The following FGF13 variants were observed in gnomAD, a reference collection of about 807,000 sequenced individuals.
FGF13 encodes fibroblast growth factor 13.
FGF13 carries 2 observed loss-of-function variants against 19.5 expected under a neutral mutation model. That is an observed-to-expected ratio of 0.10 (90% CI 0.04 to 0.32). FGF13 has a LOEUF of 0.32. Among genes scored for constraint, FGF13 ranks in the 10% least tolerant of loss-of-function variants. FGF13 has a pLI of 1.00. For missense variants in FGF13, 113 were observed against 192.7 expected, an observed-to-expected ratio of 0.59 and a Z score of 2.45; for synonymous variants, 72 against 76.9, an observed-to-expected ratio of 0.94 and a Z score of 0.33.
intron 1 of FGF13, among the ~76,000 whole-genome samples, chrX:138,908,776 T>C (rs1215327340): frequency 1.8e-5 from 2 of 111,849 alleles, no homozygotes; most frequent in East Asian, 2.8e-4. Flanking sequence ...TCTGAATTCA[T>C]TTGTGAGTCA....
At chrX:139,034,650 T>C (rs958080920) in intron 1 of FGF13, among the ~76,000 whole-genome samples, 3 of 111,018 alleles carry the variant, frequency 2.7e-5, no homozygotes, top group Admixed American at 1.9e-4. Flanking sequence ...AAGTAGCAAA[T>C]GCGGATTCCA....
At chrX:139,131,502 G>A (rs374691515) in intron 1 of FGF13, among the ~76,000 whole-genome samples, 10 of 105,499 alleles carry the variant, frequency 9.5e-5, no homozygotes, top group East Asian at 5.7e-4. Context: ...TCGGGAGGCC[G>A]AGATTGGAGG....
intron 1 of FGF13, among the ~76,000 whole-genome samples, chrX:139,039,498 T>C (rs1029061403): frequency 8.0e-5 from 9 of 111,986 alleles, no homozygotes; most frequent in African/African-American, 2.9e-4. Context: ...CAGCATGCTA[T>C]AACCAGAGGA....
At chrX:139,124,139 C>T (rs1409446713) in intron 1 of FGF13, among the ~76,000 whole-genome samples, 1 of 111,997 alleles carries the variant, frequency 8.9e-6, no homozygotes, top group Non-Finnish European at 1.9e-5. Context: ...ACCAGTGAAC[C>T]CCCATGTGTC....
At chrX:138,706,385 G>GT (rs1428532416) in intron 2 of FGF13, among the ~76,000 whole-genome samples, 2 of 112,001 alleles carry the variant, frequency 1.8e-5, no homozygotes, top group African/African-American at 6.5e-5. Flanking sequence ...TCTACGTAAG[G>GT]TAAGGTGAAA....
chrX:138,995,918 T>C (rs2092040381), intron 1 of FGF13, among the ~76,000 whole-genome samples: 1 of 111,854 alleles, frequency 8.9e-6, no homozygotes, highest in East Asian at 2.8e-4. Context: ...AATTTACACT[T>C]GGAGGGAGTA....
rs769900516 is a variant in FGF13, at chrX:138,616,133, A to T, written c.*16717T>A. The T allele has an allele frequency of 8.9e-6, 1 of 112,044 alleles. No homozygotes were observed. Among genetic ancestry groups the T allele is most frequent in the South Asian group, 3.7e-4 (1 of 2,704 alleles). 9.2% of individuals were successfully genotyped at this position (112,044 alleles called of 1,213,427 possible). ...TGCCCTTCCAATAGTCCCCCAAAGT[A>T]TTAACTCATTCAAACATTAACCCAG... On this transcript the variant is annotated 3_prime_UTR_variant, in exon 5 of 5. Transcript: ENST00000315930.
At chrX:138,942,177 T>C (rs1287743608) in intron 1 of FGF13, among the ~76,000 whole-genome samples, 2 of 111,756 alleles carry the variant, frequency 1.8e-5, no homozygotes, top group Non-Finnish European at 3.8e-5. Context: ...GTTGGTATTA[T>C]TATTCTCCCC....
chrX:138,955,468 T>C (rs1017026185), intron 1 of FGF13, among the ~76,000 whole-genome samples: 1 of 111,995 alleles, frequency 8.9e-6, no homozygotes, highest in African/African-American at 3.2e-5. Context: ...ACTCTCCTAA[T>C]GTGGGTATTA....
intron 1 of FGF13, among the ~76,000 whole-genome samples, chrX:139,081,090 C>T (rs996534211): frequency 9.1e-4 from 101 of 111,319 alleles, no homozygotes; most frequent in African/African-American, 3.2e-3. Context: ...GCTTACTGCT[C>T]CAATTCGTTT....
Position 138,710,872 on chromosome X carries a change from A to G in FGF13, c.132T>C (p.Asn44=). The change falls in exon 1 of 5, where the codon AAT becomes AAC. Residue 44 remains asparagine (N), a synonymous_variant. Coordinates refer to ENST00000315930, the MANE Select transcript of FGF13 (RefSeq NM_004114.5). ...GKTSCDKNKL[N]VFSRVKLFGS... ...CGAAGAGTTTGACCCGGGAAAAGACATTTAACTTGTTTTTGTCGCAGCTGG... is the reference window on the plus strand; with the variant it reads ...CGAAGAGTTTGACCCGGGAAAAGACGTTTAACTTGTTTTTGTCGCAGCTGG... The G allele has an allele frequency of 4.1e-6, 5 of 1,212,118 alleles. No homozygotes were observed. The highest frequency in any genetic ancestry group is 3.3e-6 in the Non-Finnish European group (3 of 895,580).
At chrX:138,763,936 C>G (rs1450093657) in intron 3 of FGF13, among the ~76,000 whole-genome samples, 2 of 111,307 alleles carry the variant, frequency 1.8e-5, no homozygotes, top group African/African-American at 6.5e-5. Context: ...TAGAAAGAAG[C>G]AAGAGGTTGT....
upstream of FGF13, among the ~76,000 whole-genome samples, chrX:138,715,423 G>A (rs905300871): frequency 9.8e-5 from 11 of 111,928 alleles, no homozygotes; most frequent in African/African-American, 3.6e-4. Context: ...AAGTTCCCTC[G>A]CCAATGTTTC....
upstream of FGF13, chrX:139,204,147 A>T (rs1000113899): frequency 4.3e-6 from 5 of 1,169,706 alleles, no homozygotes. Context: ...CAGAAGACGG[A>T]AGTCCTCGCC....
intron 1 of FGF13, among the ~76,000 whole-genome samples, chrX:138,907,109 A>G (rs745774123): frequency 1.2e-4 from 13 of 111,387 alleles, no homozygotes; most frequent in Non-Finnish European, 2.3e-4. Context: ...TGCCTCCCCA[A>G]GGAATTGTGG....
At chrX:139,063,449 T>C (rs1242737272) in intron 1 of FGF13, among the ~76,000 whole-genome samples, 1 of 111,424 alleles carries the variant, frequency 9.0e-6, no homozygotes, top group East Asian at 2.8e-4. Context: ...TGGTGAGAGG[T>C]TTTCTTATCA....
In FGF13 at chrX:138,624,359, T is replaced by C. The variant is rs985371798; in HGVS notation, c.*8491A>G. On this transcript the variant is annotated 3_prime_UTR_variant, in exon 5 of 5. Coordinates refer to ENST00000315930, the MANE Select transcript of FGF13 (RefSeq NM_004114.5). ...CATTCAATAAATCGTATTTTAAACA[T>C]TGAATATCCAAATACAAAATAATGA... is the stretch of plus-strand genomic sequence containing the variant. 2 of 111,786 alleles carry C rather than the reference T, an allele frequency of 1.8e-5. No homozygotes were observed. Among genetic ancestry groups the C allele is most frequent in the African/African-American group, 6.5e-5 (2 of 30,752 alleles). 9.2% of individuals were successfully genotyped at this position (111,786 alleles called of 1,213,427 possible). A position where few individuals can be genotyped will look rare whatever the true frequency, so the allele number is the denominator to read the frequency against.
intron 1 of FGF13, among the ~76,000 whole-genome samples, chrX:139,011,024 C>G (rs2092125773): frequency 9.0e-6 from 1 of 110,886 alleles, no homozygotes; most frequent in South Asian, 3.8e-4. Context: ...TACTGTGAAC[C>G]CCTTTATGCA....
intron 1 of FGF13, among the ~76,000 whole-genome samples, chrX:138,886,611 AT>A (rs1423583015): frequency 8.9e-6 from 1 of 111,969 alleles, no homozygotes; most frequent in Non-Finnish European, 1.9e-5. Context: ...TTTCTCAGCT[AT>A]AAAATGTGAA....
Sources: gnomAD v4.1 joint callset for allele counts (sites outside exome capture counted in the v4.1 genomes callset) on GRCh38, gnomAD v4.1.1 for gene constraint, MANE v1.5 for transcripts, NCBI Gene and HGNC (gene_info 2026-07-23, HGNC 2026-07-21) for gene names.